ETFDH: variants seen among roughly 807,000 people sequenced by gnomAD.
ETFDH encodes the protein electron transfer flavoprotein dehydrogenase.
ETFDH carries 61 observed loss-of-function variants against 73.2 expected under a neutral mutation model. The ratio of observed to expected loss-of-function variants is 0.83; its 90% CI spans 0.68 to 1.03. The LOEUF (loss-of-function observed/expected upper bound fraction) is 1.03, where lower values mean the gene tolerates loss of function less well. Among genes scored for constraint, ETFDH ranks in the 50% least tolerant of loss-of-function variants. ETFDH has a pLI of 0.00. For missense variants in ETFDH, 685 were observed against 745.0 expected, an observed-to-expected ratio of 0.92 and a Z score of 0.94; for synonymous variants, 243 against 253.3, an observed-to-expected ratio of 0.96 and a Z score of 0.39.
rs1774702955 is a variant in ETFDH, at chr4:158,708,486, G to A, written c.1813G>A (p.Val605Ile). Reference sequence around the variant, plus strand: ...TCCAAGTCAGAATATTAACTGGGTGGTACCTGAAGGTGGAGGAGGACCTGC... The same window carrying A: ...TCCAAGTCAGAATATTAACTGGGTGATACCTGAAGGTGGAGGAGGACCTGC... ...KDPSQNINWV[V>I]PEGGGGPAYN... Residue 605 changes from valine (V) to isoleucine (I), a missense_variant, in exon 13 of 13, where the codon GTA (valine) becomes ATA (isoleucine). Val to Ile is a conservative substitution (Grantham distance 29). This residue lies in a region of ETFDH where 201 missense variants were observed against 225.2 expected (regional missense o/e 0.89). Transcript: ENST00000511912. The A allele has an allele frequency of 6.2e-7, 1 of 1,613,472 alleles. No individual in the cohort carries two copies. The highest frequency in any genetic ancestry group is 8.5e-7 in the Non-Finnish European group (1 of 1,179,428).
Position 158,706,796 on chromosome 4 carries a change from G to A in ETFDH, c.1636G>A (p.Val546Ile). 6.2e-7 allele frequency: 1 copy of A among 1,613,968 alleles called. No homozygotes were observed. The highest frequency in any genetic ancestry group is 8.5e-7 in the Non-Finnish European group (1 of 1,179,876). The change falls in exon 12 of 13, where the codon GTA becomes ATA. Residue 546 changes from valine (V) to isoleucine (I), a missense_variant. Physicochemically the swap from Val to Ile is conservative, Grantham distance 29 (BLOSUM62 3). Coordinates refer to ENST00000511912, the MANE Select transcript of ETFDH (RefSeq NM_004453.4). ...HLTLRDDSIP[V>I]NRNLSIYDGP... The stretch of plus-strand genomic sequence containing the variant: ...AACCTTAAGGGATGACAGTATACCT[G>A]TAAATAGAAATCTGTCGATATATGA...
In ETFDH at chr4:158,672,368, G is replaced by A; in HGVS notation, c.-89G>A. On this transcript the variant is annotated 5_prime_UTR_variant, in exon 1 of 13. Transcript: ENST00000511912. ...TTCTTGCTTTCCGGCAGGTGATGGC[G>A]CCCCCCGCGGCCTAGAGGTCCAGCG... 2 of 1,367,012 alleles carry A rather than the reference G, an allele frequency of 1.5e-6. No individual in the cohort carries two copies. Among genetic ancestry groups the A allele is most frequent in the African/African-American group, 1.4e-5 (1 of 70,234 alleles). The allele number at this position is 1,367,012 out of a possible 1,614,324, so 84.7% of individuals were successfully genotyped here.
At chr4:158,694,484 C>T (rs1774258218) in intron 6 of ETFDH, among the ~76,000 whole-genome samples, 1 of 151,768 alleles carries the variant, frequency 6.6e-6, no homozygotes, top group Non-Finnish European at 1.5e-5. Context: ...ATCCCAGCTA[C>T]TCAGGAGGCT....
intron 6 of ETFDH, 95 bp downstream of exon 6, chr4:158,690,520 G>C: frequency 1.2e-6 from 1 of 843,676 alleles, no homozygotes; most frequent in Non-Finnish European, 2.1e-6. Flanking sequence ...TCCAAAAAAA[G>C]AAAACAAAAT....
intron 9 of ETFDH, 105 bp downstream of exon 9, chr4:158,699,235 G>A (rs780197949): frequency 9.3e-6 from 9 of 964,128 alleles, no homozygotes; most frequent in African/African-American, 1.6e-5. Context: ...ATTGGAATAG[G>A]AAAAGTATGT....
chr4:158,692,378 C>A (rs905770954), intron 6 of ETFDH, among the ~76,000 whole-genome samples: 7 of 142,316 alleles, frequency 4.9e-5, no homozygotes, highest in African/African-American at 1.9e-4. Context: ...CCAGCCTGGG[C>A]TACAGAGCGA....
In ETFDH at chr4:158,701,153, A is replaced by T. The variant is rs1028082730; in HGVS notation, c.1116+2023A>T. On this transcript the variant is annotated intron_variant, in intron 9 of 12. Transcript: ENST00000511912. ...ATCCTCCTAGAACTTAAAAACATAC[A>T]TTTTCCTTGGGCGTAATATTTTTAT... Among the ~76,000 whole-genome samples, 4 of 152,102 alleles carry T rather than the reference A, an allele frequency of 2.6e-5. No individual in the cohort carries two copies. The East Asian group carries it at 7.7e-4, about 29-fold the overall frequency.
intron 6 of ETFDH, among the ~76,000 whole-genome samples, chr4:158,694,983 A>G (rs1232892444): frequency 6.6e-6 from 1 of 152,174 alleles, no homozygotes; most frequent in Admixed American, 6.5e-5. Flanking sequence ...TATATGAAAA[A>G]TCGGTCTTCC....
intron 5 of ETFDH, among the ~76,000 whole-genome samples, chr4:158,689,636 A>ATATATATATATATATAT (rs765147554): frequency 1.1e-4 from 7 of 63,676 alleles, no homozygotes; most frequent in Admixed American, 1.9e-4. Context: ...ATATATATAT[A>ATATATATATATATATAT]TTGTGGGGGG....
At chr4:158,682,517 C>A in intron 3 of ETFDH, 93 bp downstream of exon 3, 10 of 938,278 alleles carry the variant, frequency 1.1e-5, no homozygotes, top group Non-Finnish European at 1.5e-5. Flanking sequence ...AAACCCTTTT[C>A]ATGTAACTCT....
At chr4:158,673,198 G>C (rs1465195630) in intron 1 of ETFDH, among the ~76,000 whole-genome samples, 1 of 152,206 alleles carries the variant, frequency 6.6e-6, no homozygotes, top group Non-Finnish European at 1.5e-5. Flanking sequence ...CAGCTACTCA[G>C]GAGGCTTAGG....
Position 158,689,615 on chromosome 4 carries a change from TA to T in ETFDH, c.607-732del, listed in dbSNP as rs1561242344. On this transcript the variant is annotated intron_variant, in intron 5 of 12. Coordinates refer to ENST00000511912, the MANE Select transcript of ETFDH (RefSeq NM_004453.4). The stretch of plus-strand genomic sequence containing the variant: ...ACCTTCATATATATATATATATATA[TA>T]TATATATATATATATATATATTGTG... Among the ~76,000 whole-genome samples, 15 of 116,312 alleles carry T rather than the reference TA, an allele frequency of 1.3e-4. 1 individual carries two copies. The highest frequency in any genetic ancestry group is 3.2e-4 in the African/African-American group (10 of 31,426). 76.3% of individuals were successfully genotyped at this position (116,312 alleles called of 152,430 possible). A position where few individuals can be genotyped will look rare whatever the true frequency, so the allele number is the denominator to read the frequency against.
intron 7 of ETFDH, among the ~76,000 whole-genome samples, chr4:158,696,048 A>G (rs552633863): frequency 3.3e-5 from 5 of 152,302 alleles, no homozygotes; most frequent in South Asian, 2.1e-4. Flanking sequence ...AATTTTCTTT[A>G]TGAAAGACAC....
chr4:158,684,029 G>A (rs79406386), intron 3 of ETFDH, among the ~76,000 whole-genome samples: 1,777 of 152,226 alleles, frequency 0.012, 27 homozygotes, highest in African/African-American at 0.038. Context: ...TGAGGGTCAC[G>A]TTTCAAAGGT....
At position 158,699,068 on chromosome 4, in the gene ETFDH, A is replaced by G. The variant is rs764131933; in HGVS notation, c.1054A>G (p.Thr352Ala). 4 of 1,614,004 alleles carry G rather than the reference A, an allele frequency of 2.5e-6. No individual in the cohort carries two copies. The African/African-American group carries it at 5.3e-5, about 22-fold the overall frequency. ...RWKHHPSIRP[T>A]LEGGKRIAYG... ...GAAACACCATCCTAGCATTCGGCCA[A>G]CCTTGGAAGGTGGAAAAAGGATTGC... Residue 352 changes from threonine (T) to alanine (A), a missense_variant, in exon 9 of 13, where the codon ACC (threonine) becomes GCC (alanine). Thr to Ala is a moderately conservative substitution (Grantham distance 58). Around this residue, in one of 3 missense-constraint regions of ETFDH, gnomAD observed 79 missense variants for 120.5 expected, o/e 0.66. Coordinates refer to ENST00000511912, the MANE Select transcript of ETFDH (RefSeq NM_004453.4).
intron 6 of ETFDH, among the ~76,000 whole-genome samples, chr4:158,690,896 A>AAATG (rs1236829382): frequency 4.4e-4 from 67 of 152,176 alleles, no homozygotes; most frequent in Non-Finnish European, 8.1e-4. Flanking sequence ...ATAAATAAAT[A>AAATG]AATAAATAAA....
chr4:158,674,624 CGTAA>C (rs765691267), intron 1 of ETFDH, among the ~76,000 whole-genome samples: 3 of 151,974 alleles, frequency 2.0e-5, no homozygotes, highest in Non-Finnish European at 4.4e-5. Flanking sequence ...TTTTAGTATG[CGTAA>C]GTAAGTTCAT....
At chr4:158,679,159 T>C (rs1376927943) in intron 1 of ETFDH, 2 of 152,216 alleles carry the variant, frequency 1.3e-5, no homozygotes, top group African/African-American at 2.4e-5. Context: ...TTCTGAACTC[T>C]TTATTCTTTT....
At chr4:158,695,140 G>A (rs4541463) in intron 6 of ETFDH, among the ~76,000 whole-genome samples, 1,772 of 152,242 alleles carry the variant, frequency 0.012, 26 homozygotes, top group African/African-American at 0.038. Context: ...AAGAGTGTTT[G>A]TATCTTATAA....
Sources: gnomAD v4.1 joint callset for allele counts (sites outside exome capture counted in the v4.1 genomes callset) on GRCh38, gnomAD v4.1.1 for gene constraint, gnomAD v4.1.1 regional missense constraint, MANE v1.5 for transcripts, NCBI Gene and HGNC (gene_info 2026-07-23, HGNC 2026-07-21) for gene names.